Variants in GID4 observed in about 807,000 individuals in gnomAD.
The protein encoded by GID4 is glucose-induced degradation protein 4 homolog.
Under a neutral mutation model 32.4 loss-of-function variants are expected in GID4, and 7 were observed. The ratio of observed to expected loss-of-function variants is 0.22; its 90% CI spans 0.12 to 0.41. The LOEUF is 0.41. Ranked by LOEUF, GID4 falls within the 10% of genes least tolerant of loss-of-function variation. GID4 has a pLI of 1.00. For synonymous variants in GID4, 166 were observed against 170.0 expected, an observed-to-expected ratio of 0.98 and a Z score of 0.18; for missense variants, 309 against 400.0, an observed-to-expected ratio of 0.77 and a Z score of 1.94.
At chr17:18,046,794 C>T (rs1029946333) in intron 2 of GID4, among the ~76,000 whole-genome samples, 1 of 151,900 alleles carries the variant, frequency 6.6e-6, no homozygotes, top group Non-Finnish European at 1.5e-5. Flanking sequence ...TGTTGGCAGG[C>T]ACCTGTAATT....
intron 3 of GID4, among the ~76,000 whole-genome samples, chr17:18,056,459 G>T (rs1367323822): frequency 1.3e-5 from 2 of 152,162 alleles, no homozygotes; most frequent in Admixed American, 6.5e-5. Flanking sequence ...CCAGGGCTAG[G>T]CTCTTCCTGC....
intron 2 of GID4, among the ~76,000 whole-genome samples, chr17:18,051,352 G>C (rs1468442534): frequency 6.6e-6 from 1 of 152,138 alleles, no homozygotes; most frequent in African/African-American, 2.4e-5. Context: ...TTTCAAGGAA[G>C]TTCAGAAAAA....
intron 4 of GID4, among the ~76,000 whole-genome samples, chr17:18,060,400 CAA>C (rs919974638): frequency 0.035 from 1,590 of 45,594 alleles, 17 homozygotes; most frequent in African/African-American, 0.1. Context: ...TCTGTCTCAC[CAA>C]AAAAAAAAAA....
At chr17:18,041,519 A>G (rs942751511) in intron 1 of GID4, among the ~76,000 whole-genome samples, 8 of 152,210 alleles carry the variant, frequency 5.3e-5, no homozygotes, top group Non-Finnish European at 1.2e-4. Flanking sequence ...TGTGGCTGAA[A>G]TATTTTTGTC....
Position 18,065,263 on chromosome 17 carries a change from C to T in GID4, c.*20C>T. On this transcript the variant is annotated 3_prime_UTR_variant, in exon 6 of 6. Coordinates refer to ENST00000268719, the MANE Select transcript of GID4 (RefSeq NM_024052.5). ...CGGTGACAACGGTTCAGAACAGCAA[C>T]CAAATAAAACTGAACTTGGCAAAAA... The T allele has an allele frequency of 6.3e-7, 1 of 1,598,426 alleles. No individual in the cohort carries two copies. The highest frequency in any genetic ancestry group is 1.1e-5 in the South Asian group (1 of 90,776).
At chr17:18,052,071 C>T (rs2044915543) in intron 2 of GID4, among the ~76,000 whole-genome samples, 1 of 116,618 alleles carries the variant, frequency 8.6e-6, no homozygotes, top group Non-Finnish European at 2.0e-5. Context: ...AAGACTCTGT[C>T]CCTCCCCCCA....
Position 18,045,161 on chromosome 17 carries a change from G to T in GID4, c.453G>T (p.Gly151=), listed in dbSNP as rs2955355. ...TTTCTTTTCAGCACGTGGACACGGG[G>T]AACTCTTACCTTTGTGGGTACTTGA... The part of the protein sequence containing the change: ...VEVVLQHVDT[G]NSYLCGYLKI... Residue 151 remains glycine (G), a synonymous_variant, in exon 2 of 6, where the codon GGG becomes GGT. Transcript: ENST00000268719. The T allele has an allele frequency of 6.2e-7, 1 of 1,609,946 alleles. No homozygotes were observed. The highest frequency in any genetic ancestry group is 1.7e-5 in the Admixed American group (1 of 59,850).
At chr17:18,045,991 T>C (rs2044849971) in intron 2 of GID4, among the ~76,000 whole-genome samples, 1 of 152,154 alleles carries the variant, frequency 6.6e-6, no homozygotes, top group East Asian at 1.9e-4. Context: ...TGAACCAAGT[T>C]TTTAAACCTC....
intron 3 of GID4, among the ~76,000 whole-genome samples, 155 bp downstream of exon 3, chr17:18,054,389 C>T (rs1453677509): frequency 6.6e-6 from 1 of 152,174 alleles, no homozygotes; most frequent in Non-Finnish European, 1.5e-5. Flanking sequence ...GTTCCATCTT[C>T]CTTATGAGGA....
intron 2 of GID4, among the ~76,000 whole-genome samples, chr17:18,047,602 T>C (rs2044867101): frequency 6.6e-6 from 1 of 152,220 alleles, no homozygotes; most frequent in Admixed American, 6.5e-5. Context: ...CAATGGGGGC[T>C]AACCCAAGGG....
In GID4 at chr17:18,065,419, G is replaced by C. The variant is rs549650745; in HGVS notation, c.*176G>C. On this transcript the variant is annotated 3_prime_UTR_variant, in exon 6 of 6. Transcript: ENST00000268719. ...ATCCAAGGAGCATGGCTGGCCCGTG[G>C]GGCAGGTGGAGGGAGCAGTCTTCGT... The C allele has an allele frequency of 1.6e-6, 1 of 624,790 alleles. No individual in the cohort carries two copies. The highest frequency in any genetic ancestry group is 1.8e-5 in the South Asian group (1 of 54,266). The allele number at this position is 624,790 out of a possible 1,614,324, so 38.7% of individuals were successfully genotyped here. A position where few individuals can be genotyped will look rare whatever the true frequency, so the allele number is the denominator to read the frequency against.
At chr17:18,063,314 G>T (rs1437117686) in intron 5 of GID4, among the ~76,000 whole-genome samples, 1 of 151,900 alleles carries the variant, frequency 6.6e-6, no homozygotes, top group Non-Finnish European at 1.5e-5. Context: ...GGAGGCTGAG[G>T]CAGGAGAATC....
chr17:18,054,467 T>A (rs1005854425), intron 3 of GID4, among the ~76,000 whole-genome samples: 1 of 152,056 alleles, frequency 6.6e-6, no homozygotes, highest in Non-Finnish European at 1.5e-5. Flanking sequence ...AACCCCAGAG[T>A]TCCAGCCAGA....
At position 18,066,907 on chromosome 17, in the gene GID4, G is replaced by A. The variant is rs2045069105; in HGVS notation, c.*1664G>A. On this transcript the variant is annotated 3_prime_UTR_variant, in exon 6 of 6. Transcript: ENST00000268719. Reference sequence around the variant, plus strand: ...TGTTATCCCAGGACTGTGTACAGAGGGGCAACCTACCCATTCAGGAAGGTC... The same window carrying A: ...TGTTATCCCAGGACTGTGTACAGAGAGGCAACCTACCCATTCAGGAAGGTC... 6.6e-6 allele frequency: 1 copy of A among 152,162 alleles called. No homozygotes were observed. 9.4% of individuals were successfully genotyped at this position (152,162 alleles called of 1,614,324 possible).
At chr17:18,053,102 G>A (rs375267892) in intron 2 of GID4, among the ~76,000 whole-genome samples, 5 of 129,762 alleles carry the variant, frequency 3.9e-5, no homozygotes, top group East Asian at 2.3e-4. Context: ...TGCAAACTCC[G>A]CCTCCAGGTT....
At chr17:18,042,913 TTTTTGTTGTTGTTGTTG>T (rs986415875) in intron 1 of GID4, among the ~76,000 whole-genome samples, 4 of 152,202 alleles carry the variant, frequency 2.6e-5, no homozygotes, top group African/African-American at 9.7e-5. Context: ...TTTTCTTGTG[TTTTTGTTGTTGTTGTTG>T]TTTTGGAGTA....
chr17:18,039,986 C>A lies in GID4; in HGVS notation c.438+84C>A. 7.9e-7 allele frequency: 1 copy of A among 1,267,532 alleles called. No homozygotes were observed. Among genetic ancestry groups the A allele is most frequent in the Non-Finnish European group, 1.0e-6 (1 of 1,003,290 alleles). 78.5% of individuals were successfully genotyped at this position (1,267,532 alleles called of 1,614,324 possible). ...CCGCTTCGGCTCCTCGACCCCGCAG[C>A]CGCGGAACAGGCCCTCGCCGCCGGG... On this transcript the variant is annotated intron_variant, in intron 1 of 5. Transcript: ENST00000268719. The surrounding 1 kb of genome is among the most constrained non-coding windows in gnomAD (Gnocchi z 5.3).
chr17:18,065,193 A>T lies in GID4; in HGVS notation c.853A>T (p.Asn285Tyr), dbSNP rs150762880. The T allele has an allele frequency of 1.7e-4, 276 of 1,613,638 alleles. No homozygotes were observed. The highest frequency in any genetic ancestry group is 2.2e-4 in the Non-Finnish European group (260 of 1,179,680). ...HRSSEWYQSL[N>Y]LTHVPEHSAP... is the part of the protein sequence containing the mutation. Reference sequence around the variant, plus strand: ...TCCCCCTTGCAGGTATCAGTCCCTCAATCTAACCCATGTTCCTGAACACAG... The same window carrying T: ...TCCCCCTTGCAGGTATCAGTCCCTCTATCTAACCCATGTTCCTGAACACAG... The change falls in exon 6 of 6, where the codon AAT becomes TAT. Residue 285 changes from asparagine to tyrosine, a missense_variant. Transcript: ENST00000268719.
intron 3 of GID4, among the ~76,000 whole-genome samples, chr17:18,054,725 AGTCTT>A (rs1042189335): frequency 1.2e-4 from 18 of 152,324 alleles, no homozygotes; most frequent in East Asian, 3.9e-4. Flanking sequence ...AGACAAGTAT[AGTCTT>A]GTCTTAAGTA....
Sources: gnomAD v4.1 joint callset for allele counts (sites outside exome capture counted in the v4.1 genomes callset) on GRCh38, gnomAD v4.1.1 for gene constraint, Gnocchi (gnomAD v3.1) non-coding constraint, MANE v1.5 for transcripts, NCBI Gene and HGNC (gene_info 2026-07-23, HGNC 2026-07-21) for gene names.